PRNP: variants seen among roughly 807,000 people sequenced by gnomAD.
PRNP encodes prion protein (Kanno blood group), also known as major prion protein.
PRNP carries 15 observed loss-of-function variants against 21.3 expected under a neutral mutation model. The observed-to-expected ratio is 0.71, with a 90% CI of 0.47 to 1.09. PRNP has a LOEUF of 1.09. Ranked by LOEUF, PRNP falls within the 50% of genes least tolerant of loss-of-function variation. The probability of loss-of-function intolerance (pLI) is 0.00; values close to 1 mark genes in which losing one functional copy is unlikely to be tolerated. For synonymous variants in PRNP, 121 were observed against 123.1 expected, an observed-to-expected ratio of 0.98 and a Z score of 0.11; for missense variants, 285 against 340.9, an observed-to-expected ratio of 0.84 and a Z score of 1.29.
rs1225581226 is a variant in PRNP, at chr20:4,686,993, G to A, written c.-11+481G>A. On this transcript the variant is annotated intron_variant, in intron 1 of 1. Coordinates refer to ENST00000379440, the MANE Select transcript of PRNP (RefSeq NM_000311.5). This position sits in a 1 kb window ranked among gnomAD's most constrained non-coding sequence, Gnocchi z 6.7. Reference sequence around the variant, plus strand: ...TGGCCGCCCCTCGGAGGCCGAGATCGGGGCCCAGAACGCCCCTTGGCAAGG... The same window carrying A: ...TGGCCGCCCCTCGGAGGCCGAGATCAGGGCCCAGAACGCCCCTTGGCAAGG... Among the ~76,000 whole-genome samples, 2 of 151,840 alleles carry A rather than the reference G, an allele frequency of 1.3e-5. No individual in the cohort carries two copies. The highest frequency in any genetic ancestry group is 4.8e-5 in the African/African-American group (2 of 41,370).
chr20:4,688,736 A>T (rs534248824), intron 1 of PRNP, among the ~76,000 whole-genome samples: 2 of 152,366 alleles, frequency 1.3e-5, no homozygotes, highest in East Asian at 3.9e-4. Flanking sequence ...AAAACTGACA[A>T]GTAAAAAAGT....
intron 1 of PRNP, among the ~76,000 whole-genome samples, chr20:4,689,957 G>A (rs1416571697): frequency 6.6e-6 from 1 of 152,180 alleles, no homozygotes; most frequent in Non-Finnish European, 1.5e-5. Context: ...CCAATTCCCT[G>A]AGAAGCTTTT....
rs1230345153 is a variant in PRNP at position 4,700,763 on chromosome 20, C to A, written c.*781C>A. On this transcript the variant is annotated 3_prime_UTR_variant, in exon 2 of 2. Coordinates refer to ENST00000379440, the MANE Select transcript of PRNP (RefSeq NM_000311.5). The surrounding 1 kb of genome is among the most constrained non-coding windows in gnomAD (Gnocchi z 4.1). ...TCCCATTTTAGATGTTTAAAGGACC[C>A]TATATGTGGCATTCCTTTCTTTAAA... 1.8e-5 allele frequency: 3 copies of A among 168,348 alleles called. No individual in the cohort carries two copies. The highest frequency in any genetic ancestry group is 2.9e-5 in the Non-Finnish European group (2 of 69,048). 10.4% of individuals were successfully genotyped at this position (168,348 alleles called of 1,614,324 possible).
At position 4,699,740 on chromosome 20, in the gene PRNP, A is replaced by C; in HGVS notation, c.520A>C (p.Asn174His). 16 of 1,614,072 alleles carry C rather than the reference A, an allele frequency of 9.9e-6. No homozygotes were observed. Among genetic ancestry groups the C allele is most frequent in the African/African-American group, 2.7e-5 (2 of 74,994 alleles). Residue 174 changes from asparagine (N) to histidine (H), a missense_variant, in exon 2 of 2, where the codon AAC becomes CAC. Asn to His is a moderately conservative substitution (Grantham distance 68). Transcript: ENST00000379440. This position sits in a 1 kb window ranked among gnomAD's most constrained non-coding sequence, Gnocchi z 5.8. ...CATGGATGAGTACAGCAACCAGAAC[A>C]ACTTTGTGCACGACTGCGTCAATAT... is the stretch of plus-strand genomic sequence containing the variant. ...RPMDEYSNQN[N>H]FVHDCVNITI...
Position 4,701,530 on chromosome 20 carries a change from T to TA in PRNP, c.*1555dup, listed in dbSNP as rs539671723. 1.2e-3 allele frequency: 204 copies of TA among 167,196 alleles called. No individual in the cohort carries two copies. Among genetic ancestry groups the TA allele is most frequent in the African/African-American group, 4.3e-3 (177 of 41,586 alleles). The allele number at this position is 167,196 out of a possible 1,614,324, so 10.4% of individuals were successfully genotyped here. A position where few individuals can be genotyped will look rare whatever the true frequency, so the allele number is the denominator to read the frequency against. On this transcript the variant is annotated 3_prime_UTR_variant, in exon 2 of 2. Transcript: ENST00000379440. The surrounding 1 kb of genome is among the most constrained non-coding windows in gnomAD (Gnocchi z 4.2). ...CTTTGCATGTTCTTGTTTTGTTATA[T>TA]AAAAAAATTGTAAATGTTTAATATC...
intron 1 of PRNP, among the ~76,000 whole-genome samples, chr20:4,694,096 A>G (rs911730385): frequency 6.6e-6 from 1 of 151,078 alleles, no homozygotes; most frequent in African/African-American, 2.4e-5. Flanking sequence ...AAAAAAAAAA[A>G]GGTTATGGTA....
rs779589622 is a variant in PRNP, at chr20:4,700,031, G to A, written c.*49G>A. ...TCTTTCTAATCTTTTTCCAGCTTGA[G>A]GGAGGCGGTATCCACCTGCAGCCCT... On this transcript the variant is annotated 3_prime_UTR_variant, in exon 2 of 2. Coordinates refer to ENST00000379440, the MANE Select transcript of PRNP (RefSeq NM_000311.5). This position sits in a 1 kb window ranked among gnomAD's most constrained non-coding sequence, Gnocchi z 4.1. 1 of 1,559,038 alleles carries A rather than the reference G, an allele frequency of 6.4e-7. No individual in the cohort carries two copies. The highest frequency in any genetic ancestry group is 8.7e-7 in the Non-Finnish European group (1 of 1,151,140).
At chr20:4,694,119 T>C (rs1229216822) in intron 1 of PRNP, among the ~76,000 whole-genome samples, 2 of 151,748 alleles carry the variant, frequency 1.3e-5, no homozygotes, top group East Asian at 3.9e-4. Flanking sequence ...GTAAATATTA[T>C]ATTACAGTGT....
chr20:4,696,480 CCT>C, intron 1 of PRNP, among the ~76,000 whole-genome samples: 1 of 152,334 alleles, frequency 6.6e-6, no homozygotes, highest in South Asian at 2.1e-4. Flanking sequence ...AGTCCCACAA[CCT>C]TGCACTCTAG....
At chr20:4,687,421 G>A in intron 1 of PRNP, among the ~76,000 whole-genome samples, 1 of 152,220 alleles carries the variant, frequency 6.6e-6, no homozygotes, top group East Asian at 1.9e-4. Flanking sequence ...GCCATGGGGG[G>A]CTCCAAGGAA....
intron 1 of PRNP, among the ~76,000 whole-genome samples, chr20:4,695,533 T>C (rs1922114367): frequency 6.6e-6 from 1 of 151,226 alleles, no homozygotes; most frequent in Non-Finnish European, 1.5e-5. Context: ...GTTGATTCCA[T>C]GTCTTTGCTA....
chr20:4,696,188 G>A (rs1264320638), intron 1 of PRNP, among the ~76,000 whole-genome samples: 1 of 151,996 alleles, frequency 6.6e-6, no homozygotes, highest in East Asian at 1.9e-4. Context: ...AGATTACCTG[G>A]AATTTTAACT....
intron 1 of PRNP, among the ~76,000 whole-genome samples, chr20:4,694,083 GAA>G (rs987288768): frequency 1.4e-5 from 1 of 69,448 alleles, no homozygotes; most frequent in Non-Finnish European, 3.0e-5. Flanking sequence ...CCTGTCTCAA[GAA>G]AAAAAAAAAA....
chr20:4,687,606 G>A (rs991254156), intron 1 of PRNP, among the ~76,000 whole-genome samples: 1 of 151,764 alleles, frequency 6.6e-6, no homozygotes, highest in Admixed American at 6.6e-5. Flanking sequence ...TTTTAACCTC[G>A]CAATTCCACC....
At chr20:4,693,355 G>T (rs1270921530) in intron 1 of PRNP, among the ~76,000 whole-genome samples, 1 of 152,046 alleles carries the variant, frequency 6.6e-6, no homozygotes, top group Non-Finnish European at 1.5e-5. Flanking sequence ...ATGTTTTGTA[G>T]ACATGGGGTT....
chr20:4,700,627 A>G lies in PRNP; in HGVS notation c.*645A>G, dbSNP rs76620460. 3.7e-3 allele frequency: 734 copies of G among 198,660 alleles called. 5 individuals are homozygous for G. Among genetic ancestry groups the G allele is most frequent in the African/African-American group, 0.016 (686 of 42,110 alleles). 12.3% of individuals were successfully genotyped at this position (198,660 alleles called of 1,614,324 possible). ...CAACAAGAGTAAATATTGTCACAACACTGAACCTCTGGCTAGAGGACATAT... is the reference window on the plus strand; with the variant it reads ...CAACAAGAGTAAATATTGTCACAACGCTGAACCTCTGGCTAGAGGACATAT... On this transcript the variant is annotated 3_prime_UTR_variant, in exon 2 of 2. Transcript: ENST00000379440. The surrounding 1 kb of genome is among the most constrained non-coding windows in gnomAD (Gnocchi z 4.1).
intron 1 of PRNP, among the ~76,000 whole-genome samples, chr20:4,690,211 A>G (rs1029696003): frequency 4.6e-5 from 7 of 152,152 alleles, no homozygotes; most frequent in Non-Finnish European, 1.0e-4. Flanking sequence ...ATAACAAGGG[A>G]ATTTACTTAG....
intron 1 of PRNP, among the ~76,000 whole-genome samples, chr20:4,693,479 A>G (rs960980364): frequency 2.0e-5 from 3 of 152,060 alleles, no homozygotes; most frequent in African/African-American, 7.2e-5. Context: ...AAAACATTCT[A>G]TGATGTTACT....
intron 1 of PRNP, among the ~76,000 whole-genome samples, chr20:4,690,266 T>C (rs2122202060): frequency 6.6e-6 from 1 of 152,310 alleles, no homozygotes; most frequent in African/African-American, 2.4e-5. Flanking sequence ...TCGGGGGTTG[T>C]TTGACATTTG....
Sources: allele counts gnomAD v4.1 joint callset (sites outside exome capture counted in the v4.1 genomes callset), GRCh38; gene constraint gnomAD v4.1.1; non-coding constraint Gnocchi (gnomAD v3.1); transcripts MANE v1.5; gene names NCBI Gene and HGNC (gene_info 2026-07-23, HGNC 2026-07-21).